The following BCAS3 variants were observed in gnomAD, a reference collection of about 807,000 sequenced individuals.
BCAS3 encodes the protein BCAS4/BCAS3 fusion.
A neutral mutation model predicts 116.1 loss-of-function variants in BCAS3; 53 were observed. The ratio of observed to expected loss-of-function variants is 0.46; its 90% CI spans 0.37 to 0.57. The LOEUF (loss-of-function observed/expected upper bound fraction) is 0.57, where lower values mean the gene tolerates loss of function less well. BCAS3 is among the 20% of genes least tolerant of loss of function. BCAS3 has a pLI of 0.00. For missense variants in BCAS3, 917 were observed against 1,165.4 expected (o/e 0.79, Z 3.10); for synonymous variants, 391 against 408.2 (o/e 0.96, Z 0.51).
chr17:61,061,868 G>A (rs970703584), intron 19 of BCAS3, among the ~76,000 whole-genome samples: 1 of 152,140 alleles, frequency 6.6e-6, no homozygotes, highest in Admixed American at 6.5e-5. Context: ...AGTTGATAAA[G>A]CTGGTCCTAT....
rs1398494459 is a variant in BCAS3, at chr17:61,198,896, C to CTTAA, written c.2425+114334_2425+114335insAATT. On this transcript the variant is annotated intron_variant, in intron 22 of 23. Transcript: ENST00000407086. The surrounding 1 kb of genome is among the most constrained non-coding windows in gnomAD (Gnocchi z 5.0). ...GTTTGAAAGGTACATGTTTCTAAAG[C>CTTAA]TTTTAAGATAATGATACTTAGAAAT... Among the ~76,000 whole-genome samples the CTTAA allele has an allele frequency of 6.6e-6, 1 of 152,144 alleles. No individual in the cohort carries two copies. The highest frequency in any genetic ancestry group is 1.5e-5 in the Non-Finnish European group (1 of 68,018).
At chr17:60,926,872 T>A (rs1867250) in intron 13 of BCAS3, among the ~76,000 whole-genome samples, 47,441 of 152,178 alleles carry the variant, frequency 0.31, 12,473 homozygotes, top group African/African-American at 0.72. Flanking sequence ...GATTTCTTTG[T>A]CCTCTCACAT....
chr17:60,979,972 A>C (rs555939427), intron 14 of BCAS3, among the ~76,000 whole-genome samples: 5,911 of 151,046 alleles, frequency 0.039, 354 homozygotes, highest in African/African-American at 0.14. Flanking sequence ...TTGGTTGTGT[A>C]TTTGCCCGGC....
intron 22 of BCAS3, among the ~76,000 whole-genome samples, chr17:61,308,314 G>C (rs1352658176): frequency 6.6e-6 from 1 of 152,064 alleles, no homozygotes; most frequent in Non-Finnish European, 1.5e-5. Flanking sequence ...CATAGTGTTG[G>C]AAGATGAATG....
In BCAS3 at chr17:61,376,656, A is replaced by T. The variant is rs972261245; in HGVS notation, c.2593+8162A>T. On this transcript the variant is annotated intron_variant, in intron 23 of 23. Coordinates refer to ENST00000407086, the MANE Select transcript of BCAS3 (RefSeq NM_017679.5). The surrounding 1 kb of genome is among the most constrained non-coding windows in gnomAD (Gnocchi z 4.5). ...AGGGTGATTCATCTGTGCAAGCCAT[A>T]GCTTCTGGCTTGGTCTGGCTCTCTT... Among the ~76,000 whole-genome samples the T allele has an allele frequency of 6.6e-6, 1 of 152,130 alleles. No individual in the cohort carries two copies. The highest frequency in any genetic ancestry group is 1.5e-5 in the Non-Finnish European group (1 of 68,024).
Position 61,161,496 on chromosome 17 carries a change from A to G in BCAS3, c.2425+76932A>G, listed in dbSNP as rs895831171. ...TTCTTTAAAAGACAGAGATAGTGGC[A>G]CAAAATGTGCTGTGGGTTTAAGCAA... is the stretch of plus-strand genomic sequence containing the variant. On this transcript the variant is annotated intron_variant, in intron 22 of 23. Transcript: ENST00000407086. The surrounding 1 kb of genome is among the most constrained non-coding windows in gnomAD (Gnocchi z 4.8). Among the ~76,000 whole-genome samples the G allele has an allele frequency of 1.4e-4, 22 of 152,258 alleles. No homozygotes were observed. Among genetic ancestry groups the G allele is most frequent in the African/African-American group, 5.3e-4 (22 of 41,462 alleles).
chr17:60,801,426 C>A (rs566715236), intron 6 of BCAS3, among the ~76,000 whole-genome samples: 1 of 151,540 alleles, frequency 6.6e-6, no homozygotes, highest in East Asian at 1.9e-4. Flanking sequence ...TGTAACCAAT[C>A]ATGTTATCTG....
intron 19 of BCAS3, among the ~76,000 whole-genome samples, chr17:61,064,880 A>G (rs930141838): frequency 2.0e-5 from 3 of 152,170 alleles, no homozygotes; most frequent in African/African-American, 7.2e-5. Flanking sequence ...CCCTTTATGT[A>G]TTGTTGTTGC....
chr17:61,295,969 A>T (rs1268283810), intron 22 of BCAS3, among the ~76,000 whole-genome samples: 2 of 151,898 alleles, frequency 1.3e-5, no homozygotes, highest in Non-Finnish European at 2.9e-5. Flanking sequence ...AAAAAAAAAA[A>T]AAGAAAGAAA....
At chr17:61,240,107 ACAG>A (rs59917361) in intron 22 of BCAS3, among the ~76,000 whole-genome samples, 75 of 151,840 alleles carry the variant, frequency 4.9e-4, no homozygotes, top group South Asian at 1.9e-3. Flanking sequence ...TGCTGTCTCA[ACAG>A]CAGCAGCAGC....
intron 19 of BCAS3, among the ~76,000 whole-genome samples, chr17:61,064,182 G>C (rs2070368373): frequency 6.6e-6 from 1 of 152,142 alleles, no homozygotes; most frequent in African/African-American, 2.4e-5. Context: ...TGTAGTTCCA[G>C]CTCCTCAGGA....
At chr17:61,096,515 T>G (rs779107568) in intron 22 of BCAS3, among the ~76,000 whole-genome samples, 4 of 152,134 alleles carry the variant, frequency 2.6e-5, no homozygotes, top group Admixed American at 6.5e-5. Context: ...CAAGGCTGCA[T>G]CACTGCACTC....
At chr17:61,120,724 T>TA (rs1491200077) in intron 22 of BCAS3, among the ~76,000 whole-genome samples, 1 of 152,034 alleles carries the variant, frequency 6.6e-6, no homozygotes, top group African/African-American at 2.4e-5. Context: ...GACTTTTTTT[T>TA]AAAAAACAAA....
At chr17:60,890,144 C>A (rs946245345) in intron 10 of BCAS3, among the ~76,000 whole-genome samples, 1 of 152,110 alleles carries the variant, frequency 6.6e-6, no homozygotes, top group Non-Finnish European at 1.5e-5. Flanking sequence ...AGATTAGAAA[C>A]CTGGGCATAG....
intron 22 of BCAS3, among the ~76,000 whole-genome samples, chr17:61,351,608 A>T (rs1033654675): frequency 2.6e-5 from 4 of 152,208 alleles, no homozygotes; most frequent in African/African-American, 9.6e-5. Flanking sequence ...CGTCGTTAGG[A>T]CATACTAGAG....
rs80181112 is a variant in BCAS3 at position 61,180,909 on chromosome 17, T to C, written c.2425+96345T>C. Among the ~76,000 whole-genome samples, 442 of 152,284 alleles carry C rather than the reference T, an allele frequency of 2.9e-3. 3 individuals carry two copies. Among genetic ancestry groups the C allele is most frequent in the African/African-American group, 0.01 (430 of 41,562 alleles). ...AGTTAGAATAGTCCCTGATGGATTA[T>C]AGCAGTTTGATTTAAAAAGGATCTA... On this transcript the variant is annotated intron_variant, in intron 22 of 23. Transcript: ENST00000407086. The surrounding 1 kb of genome is among the most constrained non-coding windows in gnomAD (Gnocchi z 6.0).
At chr17:60,713,902 C>T (rs1013368977) in intron 5 of BCAS3, among the ~76,000 whole-genome samples, 7 of 152,090 alleles carry the variant, frequency 4.6e-5, no homozygotes, top group East Asian at 1.9e-4. Context: ...GGGGTGATCT[C>T]GGCTCACTGC....
At chr17:60,978,883 C>G (rs1407961395) in intron 14 of BCAS3, among the ~76,000 whole-genome samples, 21 of 141,948 alleles carry the variant, frequency 1.5e-4, no homozygotes, top group Middle Eastern at 3.5e-3. Flanking sequence ...GGTACCAGTA[C>G]CATGCTGTTT....
chr17:60,745,470 C>A (rs535673599), intron 5 of BCAS3, among the ~76,000 whole-genome samples: 4 of 151,860 alleles, frequency 2.6e-5, no homozygotes, highest in Admixed American at 2.0e-4. Context: ...CATATATATG[C>A]TTAAAATAAA....
Sources: gnomAD v4.1 joint callset for allele counts (sites outside exome capture counted in the v4.1 genomes callset) on GRCh38, gnomAD v4.1.1 for gene constraint, Gnocchi (gnomAD v3.1) non-coding constraint, MANE v1.5 for transcripts, NCBI Gene and HGNC (gene_info 2026-07-23, HGNC 2026-07-21) for gene names.